SHANK1: variants seen among roughly 807,000 people sequenced by gnomAD.
SHANK1 encodes SH3 and multiple ankyrin repeat domains 1.
In SHANK1, 35 loss-of-function variants were observed where a neutral mutation model predicts 165.6. The ratio of observed to expected loss-of-function variants is 0.21; its 90% CI spans 0.16 to 0.28. SHANK1 has a LOEUF of 0.28. SHANK1 is among the 10% of genes least tolerant of loss of function. The probability of loss-of-function intolerance (pLI) is 1.00; values close to 1 mark genes in which losing one functional copy is unlikely to be tolerated. For synonymous variants in SHANK1, 1,428 were observed against 1,384.8 expected (o/e 1.03, Z -0.69); for missense variants, 2,681 against 3,036.4 (o/e 0.88, Z 2.75).
chr19:50,673,664 G>A (rs1985880164), intron 21 of SHANK1, among the ~76,000 whole-genome samples: 1 of 152,042 alleles, frequency 6.6e-6, no homozygotes, highest in African/African-American at 2.4e-5. Context: ...TGTATCCCAG[G>A]CATCGCACCT....
chr19:50,662,998 G>A lies in SHANK1; in HGVS notation c.5769-316C>T, dbSNP rs1985331843. ...CTGATGCTCACGTGTGCCAGGCATT[G>A]TTCTAAGTGCTTTACATGATTGCAT... On this transcript the variant is annotated intron_variant, in intron 23 of 23. Transcript: ENST00000293441. The surrounding 1 kb of genome is among the most constrained non-coding windows in gnomAD (Gnocchi z 7.7). The A allele has an allele frequency of 5.0e-6, 2 of 396,118 alleles. No homozygotes were observed. Among genetic ancestry groups the A allele is most frequent in the South Asian group, 2.7e-5 (1 of 36,812 alleles). The allele number at this position is 396,118 out of a possible 1,614,324, so 24.5% of individuals were successfully genotyped here.
rs772735940 is a variant in SHANK1, at chr19:50,713,843, G to A, written c.747C>T (p.Thr249=). 2.5e-5 allele frequency: 41 copies of A among 1,613,826 alleles called. No individual in the cohort carries two copies. Among genetic ancestry groups the A allele is most frequent in the South Asian group, 9.9e-5 (9 of 91,088 alleles). ...HIDFRARDGM[T]ALHKAACARH... ...GGGCGCATGCGGCCTTATGCAGTGC[G>A]GTCATGCCATCCCGGGCCCGGAAGT... Residue 249 remains threonine, a synonymous_variant, in exon 6 of 24, where the codon ACC becomes ACT. Transcript: ENST00000293441. This position sits in a 1 kb window ranked among gnomAD's most constrained non-coding sequence, Gnocchi z 6.2.
rs1334371306 is a variant in SHANK1, at chr19:50,716,389, G to A, written c.345C>T (p.Leu115=). 2 of 1,614,232 alleles carry A rather than the reference G, an allele frequency of 1.2e-6. No individual in the cohort carries two copies. The highest frequency in any genetic ancestry group is 2.2e-5 in the East Asian group (1 of 44,882). The change falls in exon 3 of 24, where the codon CTC becomes CTT. Residue 115 remains leucine (L), a synonymous_variant. Transcript: ENST00000293441. The surrounding 1 kb of genome is among the most constrained non-coding windows in gnomAD (Gnocchi z 8.4). ...CALSESLQDV[L]NYGLFQPATS... Reference sequence around the variant, plus strand: ...TGGCCGGTTGGAACAGGCCATAGTTGAGCACATCCTGCAGGCTCTCGCTCA... The same window carrying A: ...TGGCCGGTTGGAACAGGCCATAGTTAAGCACATCCTGCAGGCTCTCGCTCA...
chr19:50,713,538 G>A lies in SHANK1; in HGVS notation c.792+260C>T, dbSNP rs1167636310. Among the ~76,000 whole-genome samples, 1 of 152,098 alleles carries A rather than the reference G, an allele frequency of 6.6e-6. No homozygotes were observed. Among genetic ancestry groups the A allele is most frequent in the Non-Finnish European group, 1.5e-5 (1 of 68,002 alleles). On this transcript the variant is annotated intron_variant, in intron 6 of 23. Coordinates refer to ENST00000293441, the MANE Select transcript of SHANK1 (RefSeq NM_016148.5). This position sits in a 1 kb window ranked among gnomAD's most constrained non-coding sequence, Gnocchi z 6.2. Reference sequence around the variant, plus strand: ...TTTGGTATTAAGCTGGGCCACAGGGGATGGAGACGTTCTGGGTGTTTAGGG... The same window carrying A: ...TTTGGTATTAAGCTGGGCCACAGGGAATGGAGACGTTCTGGGTGTTTAGGG...
chr19:50,704,049 A>G, intron 10 of SHANK1, 71 bp downstream of exon 10: 1 of 1,494,320 alleles, frequency 6.7e-7, no homozygotes, highest in East Asian at 2.3e-5. Flanking sequence ...AGGTCCCCCA[A>G]CTCCCCCATC....
At chr19:50,709,581 A>C (rs1365722290) in intron 8 of SHANK1, among the ~76,000 whole-genome samples, 5 of 136,340 alleles carry the variant, frequency 3.7e-5, no homozygotes, top group African/African-American at 1.4e-4. Flanking sequence ...GCAGGGTCTC[A>C]CTCTGTCACC....
At position 50,688,723 on chromosome 19, in the gene SHANK1, G is replaced by A; in HGVS notation, c.2172+121C>T. Reference sequence around the variant, plus strand: ...CAGAGGCTGGCTGGGGGGTGGGCAGGGGGCTGGGAATCCTGGTGCCAAAGG... The same window carrying A: ...CAGAGGCTGGCTGGGGGGTGGGCAGAGGGCTGGGAATCCTGGTGCCAAAGG... On this transcript the variant is annotated intron_variant, in intron 17 of 23. Transcript: ENST00000293441. This position sits in a 1 kb window ranked among gnomAD's most constrained non-coding sequence, Gnocchi z 6.7. The A allele has an allele frequency of 1.0e-6, 1 of 974,580 alleles. No homozygotes were observed. Among genetic ancestry groups the A allele is most frequent in the Non-Finnish European group, 1.5e-6 (1 of 658,184 alleles). The allele number at this position is 974,580 out of a possible 1,614,324, so 60.4% of individuals were successfully genotyped here.
In SHANK1 at chr19:50,703,813, G is replaced by T; in HGVS notation, c.1240C>A (p.Pro414Thr). 7.0e-7 allele frequency: 1 copy of T among 1,430,122 alleles called. No homozygotes were observed. Among genetic ancestry groups the T allele is most frequent in the South Asian group, 1.5e-5 (1 of 67,282 alleles). The allele number at this position is 1,430,122 out of a possible 1,614,324, so 88.6% of individuals were successfully genotyped here. The stretch of plus-strand genomic sequence containing the variant: ...CCCCGTCGCCGGGCCGCGTACTTGG[G>T]GGACTCCTGGAAGGGCACTGAGAGG... Reference protein sequence around the residue: ...EQDVVPFQESPKYAARRRGPP... With the variant: ...EQDVVPFQESTKYAARRRGPP... The change falls in exon 11 of 24, where the codon CCC (proline) becomes ACC (threonine). Residue 414 changes from proline to threonine, a missense_variant. Around this residue, in one of 10 missense-constraint regions of SHANK1, gnomAD observed 49 missense variants for 55.6 expected, o/e 0.88. Transcript: ENST00000293441.
chr19:50,716,783 C>G lies in SHANK1; in HGVS notation c.137G>C (p.Gly46Ala). 1 of 1,605,536 alleles carries G rather than the reference C, an allele frequency of 6.2e-7. No homozygotes were observed. The highest frequency in any genetic ancestry group is 8.5e-7 in the Non-Finnish European group (1 of 1,176,426). Residue 46 changes from glycine (G) to alanine (A), a missense_variant, in exon 2 of 24, where the codon GGG (glycine) becomes GCG (alanine). Gly to Ala is a moderately conservative substitution (Grantham distance 60). Coordinates refer to ENST00000293441, the MANE Select transcript of SHANK1 (RefSeq NM_016148.5). The surrounding 1 kb of genome is among the most constrained non-coding windows in gnomAD (Gnocchi z 8.4). ...GPRGTRGQGS[G>A]APGSLASVRG... The stretch of plus-strand genomic sequence containing the variant: ...AACAGAGGCCAGGCTACCAGGTGCC[C>G]CACTGCCCTGGCCCCGGGTCCCCCG...
At chr19:50,680,042 GGAGA>G (rs1986126359) in intron 21 of SHANK1, among the ~76,000 whole-genome samples, 1 of 149,366 alleles carries the variant, frequency 6.7e-6, no homozygotes, top group African/African-American at 2.5e-5. Context: ...AGAGAGACAA[GGAGA>G]GAGCTAGGGA....
chr19:50,696,026 CAGG>C (rs1015755622), intron 15 of SHANK1, among the ~76,000 whole-genome samples: 4 of 152,004 alleles, frequency 2.6e-5, no homozygotes, highest in Non-Finnish European at 4.4e-5. Flanking sequence ...AGCGGGGAGG[CAGG>C]AGGAGGGGAA....
intron 8 of SHANK1, among the ~76,000 whole-genome samples, chr19:50,705,176 A>T (rs1361010219): frequency 6.6e-6 from 1 of 151,704 alleles, no homozygotes; most frequent in African/African-American, 2.4e-5. Flanking sequence ...CCCCGTCTCT[A>T]TCAGAAAATA....
intron 15 of SHANK1, among the ~76,000 whole-genome samples, chr19:50,695,985 G>A (rs901158787): frequency 6.6e-6 from 1 of 152,198 alleles, no homozygotes; most frequent in Admixed American, 6.5e-5. Flanking sequence ...GCACAGCACA[G>A]GCCAGGCCAG....
intron 8 of SHANK1, chr19:50,711,118 G>A (rs2089003199): frequency 2.0e-6 from 1 of 499,894 alleles, no homozygotes; most frequent in Non-Finnish European, 3.6e-6. Context: ...TAGGCCATGA[G>A]CTCAACACTT....
chr19:50,694,621 G>C (rs1986665362), intron 15 of SHANK1, among the ~76,000 whole-genome samples: 1 of 131,864 alleles, frequency 7.6e-6, no homozygotes, highest in Admixed American at 7.4e-5. Context: ...GGGCCTGTGA[G>C]GGGGTGGAGG....
Position 50,688,137 on chromosome 19 carries a change from TG to T in SHANK1, c.2173-80del. ...GCAGCTTCAGAGACCCCAAGGAGGA[TG>T]CCTCCTGCGCTGCCCTGTCCATGGC... On this transcript the variant is annotated intron_variant, in intron 17 of 23. Coordinates refer to ENST00000293441, the MANE Select transcript of SHANK1 (RefSeq NM_016148.5). This position sits in a 1 kb window ranked among gnomAD's most constrained non-coding sequence, Gnocchi z 6.7. The T allele has an allele frequency of 1.9e-6, 3 of 1,543,308 alleles. No homozygotes were observed. The highest frequency in any genetic ancestry group is 2.7e-6 in the Non-Finnish European group (3 of 1,127,670).
At chr19:50,694,234 C>T (rs1346245807) in intron 15 of SHANK1, among the ~76,000 whole-genome samples, 2 of 151,826 alleles carry the variant, frequency 1.3e-5, no homozygotes, top group East Asian at 2.0e-4. Context: ...GTCACACACA[C>T]GCACATCGAC....
chr19:50,672,009 G>A lies in SHANK1; in HGVS notation c.2674+9C>T. 1 of 1,604,950 alleles carries A rather than the reference G, an allele frequency of 6.2e-7. No homozygotes were observed. Among genetic ancestry groups the A allele is most frequent in the East Asian group, 2.2e-5 (1 of 44,790 alleles). ...CCAGCCCCCACATCTCTTCTTCTGG[G>A]TGGCATACCGATAGATTTTTGCCGG... is the stretch of plus-strand genomic sequence containing the variant. On this transcript the variant is annotated intron_variant, in intron 22 of 23. Transcript: ENST00000293441.
rs1022239559 is a variant in SHANK1, at chr19:50,718,826, G to T, written c.-44+580C>A. ...CCGGGGAGAGGGGCGGGGGGCACCGGGGAGCAGGAGTCGGGGGCGGGAGCC... is the reference window on the plus strand; with the variant it reads ...CCGGGGAGAGGGGCGGGGGGCACCGTGGAGCAGGAGTCGGGGGCGGGAGCC... On this transcript the variant is annotated intron_variant, in intron 1 of 23. Coordinates refer to ENST00000293441, the MANE Select transcript of SHANK1 (RefSeq NM_016148.5). This position sits in a 1 kb window ranked among gnomAD's most constrained non-coding sequence, Gnocchi z 5.1. Among the ~76,000 whole-genome samples, 113 of 150,502 alleles carry T rather than the reference G, an allele frequency of 7.5e-4. No homozygotes were observed. The highest frequency in any genetic ancestry group is 2.5e-3 in the African/African-American group (104 of 40,982).
Sources: gnomAD v4.1 joint callset for allele counts (sites outside exome capture counted in the v4.1 genomes callset) on GRCh38, gnomAD v4.1.1 for gene constraint, gnomAD v4.1.1 regional missense constraint, Gnocchi (gnomAD v3.1) non-coding constraint, MANE v1.5 for transcripts, NCBI Gene and HGNC (gene_info 2026-07-23, HGNC 2026-07-21) for gene names.